The following SUPT16H variants were observed in gnomAD, a reference collection of about 807,000 sequenced individuals.
SUPT16H encodes the protein FACT complex subunit SPT16.
A neutral mutation model predicts 136.2 loss-of-function variants in SUPT16H; 24 were observed. The observed-to-expected ratio is 0.18, with a 90% CI of 0.13 to 0.25. SUPT16H has a LOEUF of 0.25. SUPT16H is among the 10% of genes least tolerant of loss of function. The pLI, the probability that SUPT16H is intolerant of heterozygous loss-of-function variation, is 1.00. For missense variants in SUPT16H, 623 were observed against 1,270.2 expected, an observed-to-expected ratio of 0.49 and a Z score of 7.74; for synonymous variants, 415 against 428.2, an observed-to-expected ratio of 0.97 and a Z score of 0.38.
At chr14:21,376,646 C>A (rs977067012) in intron 1 of SUPT16H, among the ~76,000 whole-genome samples, 1 of 152,020 alleles carries the variant, frequency 6.6e-6, no homozygotes, top group African/African-American at 2.4e-5. Flanking sequence ...AACTGCTAGT[C>A]CCTTTGTATG....
intron 15 of SUPT16H, chr14:21,361,478 G>C: frequency 2.1e-6 from 1 of 485,966 alleles, no homozygotes; most frequent in Non-Finnish European, 3.7e-6. Context: ...CACCATGCCC[G>C]GCTAGTTTTT....
intron 22 of SUPT16H, among the ~76,000 whole-genome samples, chr14:21,355,652 T>C (rs1051811642): frequency 1.3e-5 from 2 of 152,116 alleles, no homozygotes; most frequent in Admixed American, 6.5e-5. Flanking sequence ...ACAAATTTTT[T>C]TTCCCAGTAC....
In SUPT16H at chr14:21,353,804, T is replaced by A; in HGVS notation, c.2819A>T (p.Glu940Val). 1.2e-6 allele frequency: 2 copies of A among 1,613,984 alleles called. No individual in the cohort carries two copies. Among genetic ancestry groups the A allele is most frequent in the Non-Finnish European group, 1.7e-6 (2 of 1,179,950 alleles). Residue 940 changes from glutamate to valine, a missense_variant, in exon 24 of 26, where the codon GAG (glutamate) becomes GTG (valine). By Grantham distance (121) the Glu-to-Val change is moderately radical. Transcript: ENST00000216297. Reference sequence around the variant, plus strand: ...AAAAGTCTCATCTTCAATTTCAGACTCTGAATCCCCTTCTTCAGCATCACT... The same window carrying A: ...AAAAGTCTCATCTTCAATTTCAGACACTGAATCCCCTTCTTCAGCATCACT... ...EGSDAEEGDS[E>V]SEIEDETFNP...
chr14:21,367,761 A>G (rs927443253), intron 7 of SUPT16H, among the ~76,000 whole-genome samples: 1 of 152,262 alleles, frequency 6.6e-6, no homozygotes, highest in Non-Finnish European at 1.5e-5. Flanking sequence ...ATAAACATCA[A>G]TGTAAACCAC....
intron 1 of SUPT16H, among the ~76,000 whole-genome samples, chr14:21,380,085 C>T (rs539110091): frequency 6.6e-6 from 1 of 152,252 alleles, no homozygotes; most frequent in Admixed American, 6.5e-5. Flanking sequence ...TTTTCTATGT[C>T]ATTACCCCCT....
intron 2 of SUPT16H, chr14:21,372,250 T>C (rs554793880): frequency 7.2e-4 from 381 of 530,890 alleles, no homozygotes; most frequent in Non-Finnish European, 1.1e-3. Context: ...TGGGGTTCAA[T>C]GTATTATTTT....
At chr14:21,360,209 G>A (rs1458194915) in intron 18 of SUPT16H, among the ~76,000 whole-genome samples, 1 of 152,094 alleles carries the variant, frequency 6.6e-6, no homozygotes, top group Non-Finnish European at 1.5e-5. Context: ...TGTATTTTTA[G>A]TAGAGACGGG....
chr14:21,359,435 C>T, intron 19 of SUPT16H, 49 bp downstream of exon 19: 2 of 1,581,720 alleles, frequency 1.3e-6, no homozygotes, highest in Non-Finnish European at 1.7e-6. Flanking sequence ...TTGGATTTGG[C>T]CTCATCCTCC....
intron 2 of SUPT16H, chr14:21,372,607 A>G: frequency 2.4e-6 from 1 of 412,030 alleles, no homozygotes; most frequent in Non-Finnish European, 4.7e-6. Context: ...TTTTGCTTGG[A>G]ATGTAGATGA....
At chr14:21,378,420 T>C (rs1886951384) in intron 1 of SUPT16H, among the ~76,000 whole-genome samples, 1 of 152,164 alleles carries the variant, frequency 6.6e-6, no homozygotes, top group Admixed American at 6.5e-5. Flanking sequence ...TATATGAACA[T>C]AAACAATGTA....
chr14:21,377,706 C>T (rs1886934233), intron 1 of SUPT16H, among the ~76,000 whole-genome samples: 2 of 152,058 alleles, frequency 1.3e-5, no homozygotes, highest in Admixed American at 1.3e-4. Flanking sequence ...TCACTGTGGC[C>T]TCTGCCTCCT....
intron 18 of SUPT16H, among the ~76,000 whole-genome samples, 198 bp from the exon 19 acceptor site, chr14:21,359,807 A>G (rs1886512245): frequency 6.6e-6 from 1 of 152,244 alleles, no homozygotes; most frequent in South Asian, 2.1e-4. Context: ...TACTTATTAC[A>G]GGAACTTTGG....
At chr14:21,356,809 G>A (rs951115328) in intron 22 of SUPT16H, among the ~76,000 whole-genome samples, 3 of 152,166 alleles carry the variant, frequency 2.0e-5, no homozygotes, top group African/African-American at 7.2e-5. Flanking sequence ...GAGCAGAAAA[G>A]GATGCTTCAA....
At chr14:21,370,260 G>A (rs1367841737) in intron 4 of SUPT16H, 76 bp downstream of exon 4, 2 of 1,526,720 alleles carry the variant, frequency 1.3e-6, no homozygotes, top group African/African-American at 1.4e-5. Flanking sequence ...CAAACGTCCT[G>A]CACTATCTGT....
chr14:21,383,791 G>A (rs768820819), intron 1 of SUPT16H, 71 bp downstream of exon 1: 13 of 1,559,730 alleles, frequency 8.3e-6, no homozygotes, highest in Middle Eastern at 1.7e-4. Context: ...AGAAAAAAGG[G>A]CGCCGAGAAA....
At position 21,383,904 on chromosome 14, in the gene SUPT16H, G is replaced by A. The variant is rs760316268; in HGVS notation, c.24C>T (p.Asp8=). 9.9e-6 allele frequency: 16 copies of A among 1,612,840 alleles called. No homozygotes were observed. Among genetic ancestry groups the A allele is most frequent in the African/African-American group, 1.3e-5 (1 of 74,880 alleles). Residue 8 remains aspartate, a synonymous_variant, in exon 1 of 26, where the codon GAC becomes GAT. Transcript: ENST00000216297. ...GTCTCTTCACTCGCCGATAATAAGC[G>A]TCTTTGTCCAGAGTCACAGCCATAG... MAVTLDK[D]AYYRRVKRLY...
intron 20 of SUPT16H, 62 bp from the exon 21 acceptor site, chr14:21,358,064 G>A: frequency 6.9e-7 from 1 of 1,450,448 alleles, no homozygotes; most frequent in African/African-American, 1.4e-5. Flanking sequence ...TACCACAACA[G>A]ACAAACTTCT....
In SUPT16H at chr14:21,365,063, A is replaced by C. The variant is rs777929678; in HGVS notation, c.1120+7T>G. 4.6e-5 allele frequency: 75 copies of C among 1,613,442 alleles called. No individual in the cohort carries two copies. In the South Asian group the frequency reaches 8.0e-4, roughly 17 times the overall value. On this transcript the variant is annotated splice_region_variant and intron_variant, in intron 9 of 25. Coordinates refer to ENST00000216297, the MANE Select transcript of SUPT16H (RefSeq NM_007192.4). ...AAAAGCATTTTCCTATTGTATGTGA[A>C]ACTTACCTTTCTTCAGTTTGTATTG... is the stretch of plus-strand genomic sequence containing the variant.
intron 22 of SUPT16H, among the ~76,000 whole-genome samples, chr14:21,355,513 T>TAAAAAAAAAAAAAAAAAAAAAAAAA (rs59639210): frequency 1.8e-5 from 2 of 113,614 alleles, no homozygotes; most frequent in Non-Finnish European, 3.6e-5. Context: ...ATAATAATAA[T>TAAAAAAAAAAAAAAAAAAAAAAAAA]AAAAAAAAAA....
Sources: allele counts gnomAD v4.1 joint callset (sites outside exome capture counted in the v4.1 genomes callset), GRCh38; gene constraint gnomAD v4.1.1; transcripts MANE v1.5; gene names NCBI Gene and HGNC (gene_info 2026-07-23, HGNC 2026-07-21).